RPF2: variants seen among roughly 807,000 people sequenced by gnomAD.
RPF2 encodes brix domain containing 1.
In RPF2, 21 loss-of-function variants were observed where a neutral mutation model predicts 38.9. That is an observed-to-expected ratio of 0.54 (90% CI 0.38 to 0.78). The LOEUF (loss-of-function observed/expected upper bound fraction) is 0.78, where lower values mean the gene tolerates loss of function less well. RPF2 is among the 30% of genes least tolerant of loss of function. The pLI is 0.00. For synonymous variants in RPF2, 121 were observed against 126.2 expected (o/e 0.96, Z 0.28); for missense variants, 314 against 358.1 (o/e 0.88, Z 0.99).
intron 7 of RPF2, among the ~76,000 whole-genome samples, chr6:111,012,161 C>CTT (rs1303897053): frequency 2.4e-5 from 3 of 124,574 alleles, no homozygotes; most frequent in African/African-American, 5.9e-5. Flanking sequence ...TTGTTTACAT[C>CTT]ATTTTTTTTT....
chr6:111,019,948 T>C (rs1027104739), intron 8 of RPF2, among the ~76,000 whole-genome samples: 9 of 151,016 alleles, frequency 6.0e-5, no homozygotes, highest in East Asian at 2.0e-4. Context: ...GGAGTCTCGC[T>C]ATGTTGCCCA....
chr6:110,989,597 G>A (rs1771583573), intron 3 of RPF2, among the ~76,000 whole-genome samples: 2 of 149,666 alleles, frequency 1.3e-5, no homozygotes, highest in South Asian at 2.1e-4. Flanking sequence ...TTATAGGCAC[G>A]TGCCACCACG....
At chr6:111,012,794 T>C (rs1477598295) in intron 7 of RPF2, among the ~76,000 whole-genome samples, 5 of 152,088 alleles carry the variant, frequency 3.3e-5, no homozygotes. Context: ...CCCAGCCTCC[T>C]GAGTAGCTGG....
chr6:111,024,158 A>G (rs973172890), intron 8 of RPF2, 25 bp from the exon 9 acceptor site: 2 of 1,562,324 alleles, frequency 1.3e-6, no homozygotes, highest in Non-Finnish European at 1.7e-6. Flanking sequence ...TCAAAGCAAC[A>G]TTTCTTTTTA....
rs181373205 is a variant in RPF2, at chr6:111,011,973, T to C, written c.494-3781T>C. Among the ~76,000 whole-genome samples the C allele has an allele frequency of 3.8e-4, 58 of 152,066 alleles. 1 individual carries two copies. Among genetic ancestry groups the C allele is most frequent in the South Asian group, 1.0e-3 (5 of 4,800 alleles). On this transcript the variant is annotated intron_variant, in intron 7 of 9. Transcript: ENST00000441448. Reference sequence around the variant, plus strand: ...GGAAGTTGAGTTTTCAGTATAAATATGAAGTAAAACAACTGCTCTTTGGTT... The same window carrying C: ...GGAAGTTGAGTTTTCAGTATAAATACGAAGTAAAACAACTGCTCTTTGGTT...
At chr6:110,995,068 A>AT (rs146036988) in intron 4 of RPF2, among the ~76,000 whole-genome samples, 13,153 of 151,106 alleles carry the variant, frequency 0.087, 634 homozygotes, top group Middle Eastern at 0.12. Flanking sequence ...CCATACCCGG[A>AT]TTTTTTTTGT....
Position 111,015,747 on chromosome 6 carries a change from C to G in RPF2, c.494-7C>G. On this transcript the variant is annotated splice_polypyrimidine_tract_variant and splice_region_variant and intron_variant, in intron 7 of 9. Transcript: ENST00000441448. ...TGTTTTGTTAATAATTTAATATGTGCTTTTAGATTTCTTCAGAGGCCCCAC... is the reference window on the plus strand; with the variant it reads ...TGTTTTGTTAATAATTTAATATGTGGTTTTAGATTTCTTCAGAGGCCCCAC... 6.4e-7 allele frequency: 1 copy of G among 1,571,712 alleles called. No homozygotes were observed. The highest frequency in any genetic ancestry group is 2.2e-5 in the East Asian group (1 of 44,658).
chr6:110,986,282 G>A (rs1459061301), intron 2 of RPF2, among the ~76,000 whole-genome samples: 1 of 152,182 alleles, frequency 6.6e-6, no homozygotes. Context: ...CTTTTAATTG[G>A]CTTGATTAGA....
At position 111,017,513 on chromosome 6, in the gene RPF2, G is replaced by A. The variant is rs578038239; in HGVS notation, c.596+1657G>A. Among the ~76,000 whole-genome samples the A allele has an allele frequency of 1.6e-3, 175 of 111,070 alleles. 1 individual carries two copies. The highest frequency in any genetic ancestry group is 5.3e-3 in the African/African-American group (170 of 32,264). The allele number at this position is 111,070 out of a possible 152,430, so 72.9% of individuals were successfully genotyped here. On this transcript the variant is annotated intron_variant, in intron 8 of 9. Transcript: ENST00000441448. The stretch of plus-strand genomic sequence containing the variant: ...TTCTCAGATGGGGCGGCTGCCGGGC[G>A]GAGGGGCTCCTCACTTCTTAGACGG...
At chr6:111,000,705 A>G (rs755246452) in intron 6 of RPF2, among the ~76,000 whole-genome samples, 1 of 152,166 alleles carries the variant, frequency 6.6e-6, no homozygotes, top group Non-Finnish European at 1.5e-5. Flanking sequence ...TATCAAATAC[A>G]TTATTTCACC....
chr6:110,982,771 A>G (rs3862838), intron 1 of RPF2, among the ~76,000 whole-genome samples: 37,599 of 152,106 alleles, frequency 0.25, 5,369 homozygotes, highest in East Asian at 0.65. Flanking sequence ...TATTTACCTA[A>G]GTTAACATGT....
At chr6:111,010,352 C>G (rs781713376) in intron 7 of RPF2, among the ~76,000 whole-genome samples, 27 of 152,208 alleles carry the variant, frequency 1.8e-4, no homozygotes, top group South Asian at 1.7e-3. Flanking sequence ...TCTCAAACTC[C>G]TGAGCTCAAG....
intron 1 of RPF2, among the ~76,000 whole-genome samples, chr6:110,984,413 A>G (rs1350923730): frequency 2.0e-5 from 3 of 152,186 alleles, no homozygotes; most frequent in Admixed American, 6.5e-5. Context: ...TTTATTTTTT[A>G]CTTAAAAAAA....
chr6:111,020,163 C>G, intron 8 of RPF2, among the ~76,000 whole-genome samples: 1 of 152,118 alleles, frequency 6.6e-6, no homozygotes, highest in East Asian at 1.9e-4. Flanking sequence ...CGTGATCTAC[C>G]TGCCTTGGCC....
At chr6:110,984,791 G>A (rs1771495318) in intron 1 of RPF2, among the ~76,000 whole-genome samples, 1 of 152,018 alleles carries the variant, frequency 6.6e-6, no homozygotes, top group African/African-American at 2.4e-5. Flanking sequence ...AGTGAGCCAA[G>A]ATTGTGCCAT....
intron 6 of RPF2, among the ~76,000 whole-genome samples, chr6:111,007,593 C>T (rs1468246904): frequency 6.6e-6 from 1 of 152,032 alleles, no homozygotes; most frequent in South Asian, 2.1e-4. Context: ...TCACAGACAT[C>T]ATTTTGGAAC....
At chr6:110,986,818 G>C (rs1771533091) in intron 2 of RPF2, among the ~76,000 whole-genome samples, 1 of 151,912 alleles carries the variant, frequency 6.6e-6, no homozygotes, top group African/African-American at 2.4e-5. Flanking sequence ...CAGCCATGGT[G>C]GTGGGCGCCT....
In RPF2 at chr6:111,027,653, C is replaced by T. The variant is rs1351401573; in HGVS notation, c.*2071C>T. On this transcript the variant is annotated 3_prime_UTR_variant, in exon 10 of 10. Coordinates refer to ENST00000441448, the MANE Select transcript of RPF2 (RefSeq NM_032194.3). ...ATGGCCATGATTTCTGTATGTGAGA[C>T]GTCTTAAGGGTGTTTTTGTTTGTTT... 6.6e-6 allele frequency: 1 copy of T among 152,140 alleles called. No individual in the cohort carries two copies. Among genetic ancestry groups the T allele is most frequent in the East Asian group, 1.9e-4 (1 of 5,192 alleles). The allele number at this position is 152,140 out of a possible 1,614,324, so 9.4% of individuals were successfully genotyped here.
intron 6 of RPF2, among the ~76,000 whole-genome samples, chr6:111,006,895 GAAA>G (rs1771918508): frequency 6.6e-6 from 1 of 152,116 alleles, no homozygotes; most frequent in Non-Finnish European, 1.5e-5. Flanking sequence ...CCAACATGGA[GAAA>G]CCCCATCTCT....
Sources: allele counts gnomAD v4.1 joint callset (sites outside exome capture counted in the v4.1 genomes callset), GRCh38; gene constraint gnomAD v4.1.1; transcripts MANE v1.5; gene names NCBI Gene and HGNC (gene_info 2026-07-23, HGNC 2026-07-21).